Variants in HECW2 observed in about 807,000 individuals in gnomAD.
HECW2 encodes HECT, C2 and WW domain containing E3 ubiquitin protein ligase 2, also known as E3 ubiquitin-protein ligase HECW2.
In HECW2, 61 loss-of-function variants were observed where a neutral mutation model predicts 175.2. The observed-to-expected ratio is 0.35, with a 90% CI of 0.28 to 0.43. The LOEUF (loss-of-function observed/expected upper bound fraction) is 0.43. HECW2 is among the 20% of genes least tolerant of loss of function. The pLI is 1.00. For synonymous variants in HECW2, 671 were observed against 731.0 expected, an observed-to-expected ratio of 0.92 and a Z score of 1.32; for missense variants, 1,524 against 2,000.5, an observed-to-expected ratio of 0.76 and a Z score of 4.54.
In HECW2 at chr2:196,315,251, C is replaced by T. The variant is rs372501670; in HGVS notation, c.2434+2023G>A. Among the ~76,000 whole-genome samples the T allele has an allele frequency of 4.2e-4, 63 of 151,388 alleles. 1 individual carries two copies. In the South Asian group the frequency reaches 0.013, roughly 31 times the overall value. On this transcript the variant is annotated intron_variant, in intron 10 of 28. Transcript: ENST00000644978. ...TCTGAGTTTTTAAAATATAAAAATT[C>T]TGTTTATATTTTACAAAAAAAAGTT...
At chr2:196,343,325 G>A (rs970216242) in intron 3 of HECW2, among the ~76,000 whole-genome samples, 3 of 152,002 alleles carry the variant, frequency 2.0e-5, no homozygotes, top group Non-Finnish European at 2.9e-5. Context: ...TATTGTTTAG[G>A]GAATAATAAG....
At chr2:196,263,395 G>C (rs773886017) in intron 17 of HECW2, 1 of 152,162 alleles carries the variant, frequency 6.6e-6, no homozygotes, top group Non-Finnish European at 1.5e-5. Flanking sequence ...AGTTAAAGAA[G>C]GGCATGTGTT....
chr2:196,394,684 C>T (rs11677890), intron 2 of HECW2, among the ~76,000 whole-genome samples: 173 of 152,194 alleles, frequency 1.1e-3, no homozygotes, highest in Non-Finnish European at 2.0e-3. Flanking sequence ...ATCACAATAC[C>T]TCTCTGAGAA....
chr2:196,491,487 C>T lies in HECW2; in HGVS notation c.-35-58029G>A, dbSNP rs200207742. 5.0e-3 allele frequency among the ~76,000 whole-genome samples: 191 copies of T among 38,136 alleles called. 1 individual carries two copies. The highest frequency in any genetic ancestry group is 0.025 in the East Asian group (27 of 1,086). The allele number at this position is 38,136 out of a possible 152,430, so 25.0% of individuals were successfully genotyped here. A position where few individuals can be genotyped will look rare whatever the true frequency, so the allele number is the denominator to read the frequency against. ...TTAGGTGTGTGTATATATATATATA[C>T]ACATATATATATATACACACACACA... On this transcript the variant is annotated intron_variant, in intron 1 of 28. Coordinates refer to ENST00000644978, the MANE Select transcript of HECW2 (RefSeq NM_001348768.2).
intron 28 of HECW2, among the ~76,000 whole-genome samples, chr2:196,203,223 C>G (rs1686932852): frequency 6.6e-6 from 1 of 152,174 alleles, no homozygotes. Flanking sequence ...TGGAAATCAT[C>G]TAATGAATCT....
intron 1 of HECW2, among the ~76,000 whole-genome samples, chr2:196,476,947 CAAAAAAAAAAAA>C (rs35714216): frequency 8.7e-5 from 5 of 57,386 alleles, no homozygotes; most frequent in South Asian, 1.1e-3. Flanking sequence ...CCCATCTCCA[CAAAAAAAAAAAA>C]AAAAAAAAAA....
chr2:196,286,794 G>A (rs1233088666), intron 14 of HECW2, among the ~76,000 whole-genome samples: 1 of 152,178 alleles, frequency 6.6e-6, no homozygotes, highest in East Asian at 1.9e-4. Context: ...TTAAAAATGT[G>A]TCACAAAAGT....
intron 2 of HECW2, among the ~76,000 whole-genome samples, chr2:196,404,313 A>C (rs973619918): frequency 5.9e-5 from 9 of 152,192 alleles, no homozygotes; most frequent in Non-Finnish European, 1.5e-5. Flanking sequence ...AGCATTAGTC[A>C]TGCCTCTCTC....
At position 196,240,521 on chromosome 2, in the gene HECW2, T is replaced by C. The variant is rs1393540955; in HGVS notation, c.3692A>G (p.Asn1231Ser). 1 of 1,611,542 alleles carries C rather than the reference T, an allele frequency of 6.2e-7. No homozygotes were observed. Among genetic ancestry groups the C allele is most frequent in the Admixed American group, 1.7e-5 (1 of 59,170 alleles). The change falls in exon 21 of 29, where the codon AAT becomes AGT. Residue 1231 changes from asparagine to serine, a missense_variant. Physicochemically the swap from Asn to Ser is conservative, Grantham distance 46. Coordinates refer to ENST00000644978, the MANE Select transcript of HECW2 (RefSeq NM_001348768.2). Reference protein sequence around the residue: ...RRDHLLEDAFNQIMGYSRKDL... With the variant: ...RRDHLLEDAFSQIMGYSRKDL... Reference sequence around the variant, plus strand: ...TTTTCTGGAGTAGCCCATAATCTGATTAAAAGCATCTTCTAGTAAGTGATC... The same window carrying C: ...TTTTCTGGAGTAGCCCATAATCTGACTAAAAGCATCTTCTAGTAAGTGATC...
Position 196,234,466 on chromosome 2 carries a change from T to C in HECW2, c.3764+5983A>G, listed in dbSNP as rs1158865458. On this transcript the variant is annotated intron_variant, in intron 21 of 28. Transcript: ENST00000644978. ...TCACAACCAGCTAATTATTTATTTA[T>C]TTATTTTTTATAGAAATGGGGTCTC... is the stretch of plus-strand genomic sequence containing the variant. Among the ~76,000 whole-genome samples, 7 of 152,178 alleles carry C rather than the reference T, an allele frequency of 4.6e-5. No homozygotes were observed. The East Asian group carries it at 9.7e-4, about 21-fold the overall frequency.
intron 1 of HECW2, among the ~76,000 whole-genome samples, chr2:196,547,780 A>G (rs1380851911): frequency 2.0e-5 from 3 of 152,250 alleles, no homozygotes; most frequent in Non-Finnish European, 4.4e-5. Flanking sequence ...AGGAAGGAAG[A>G]AAGAGAAATG....
At chr2:196,450,290 G>A (rs1559116988) in intron 1 of HECW2, among the ~76,000 whole-genome samples, 1 of 152,106 alleles carries the variant, frequency 6.6e-6, no homozygotes, top group African/African-American at 2.4e-5. Flanking sequence ...ATAAAAACAC[G>A]GTGCTTAGCC....
chr2:196,535,504 A>G (rs763205173), intron 1 of HECW2, among the ~76,000 whole-genome samples: 12 of 152,248 alleles, frequency 7.9e-5, no homozygotes, highest in South Asian at 4.1e-4. Flanking sequence ...GGCAAATTAT[A>G]AGGCAATTTA....
rs575190188 is a variant in HECW2, at chr2:196,246,633, A to G, written c.3530-4429T>C. Among the ~76,000 whole-genome samples, 9 of 150,978 alleles carry G rather than the reference A, an allele frequency of 6.0e-5. No individual in the cohort carries two copies. The East Asian group carries it at 7.9e-4, about 13-fold the overall frequency. ...TCTCGATCTCCTGACCTTGTGATCCACCCCCCTCAGCCTCCCAAAGTGGTG... is the reference window on the plus strand; with the variant it reads ...TCTCGATCTCCTGACCTTGTGATCCGCCCCCCTCAGCCTCCCAAAGTGGTG... On this transcript the variant is annotated intron_variant, in intron 19 of 28. Coordinates refer to ENST00000644978, the MANE Select transcript of HECW2 (RefSeq NM_001348768.2).
At chr2:196,510,000 GACT>G (rs1443531273) in intron 1 of HECW2, among the ~76,000 whole-genome samples, 3 of 152,122 alleles carry the variant, frequency 2.0e-5, no homozygotes, top group Admixed American at 6.5e-5. Context: ...CTTAAGCCTT[GACT>G]ACTATTCCTC....
At chr2:196,363,911 C>T (rs995665241) in intron 2 of HECW2, among the ~76,000 whole-genome samples, 1 of 152,208 alleles carries the variant, frequency 6.6e-6, no homozygotes, top group Non-Finnish European at 1.5e-5. Flanking sequence ...AAGTTGGCTA[C>T]AGCCTATGGA....
At chr2:196,435,866 C>T (rs1340242959) in intron 1 of HECW2, among the ~76,000 whole-genome samples, 1 of 152,192 alleles carries the variant, frequency 6.6e-6, no homozygotes, top group African/African-American at 2.4e-5. Context: ...CAGTGTCTGG[C>T]ATATAGTAAG....
At chr2:196,281,126 T>C (rs1690167380) in intron 14 of HECW2, among the ~76,000 whole-genome samples, 1 of 152,218 alleles carries the variant, frequency 6.6e-6, no homozygotes. Flanking sequence ...CATAGCCTAA[T>C]GTGATGTTAA....
intron 14 of HECW2, among the ~76,000 whole-genome samples, chr2:196,286,402 T>TATATATATATATA (rs1391832927): frequency 5.1e-5 from 6 of 117,170 alleles, no homozygotes; most frequent in Non-Finnish European, 9.9e-5. Flanking sequence ...ATATATATAT[T>TATATATATATATA]TAAATCCATG....
Sources: gnomAD v4.1 joint callset for allele counts (sites outside exome capture counted in the v4.1 genomes callset) on GRCh38, gnomAD v4.1.1 for gene constraint, MANE v1.5 for transcripts, NCBI Gene and HGNC (gene_info 2026-07-23, HGNC 2026-07-21) for gene names.